The following TULP4 variants were observed in gnomAD, a reference collection of about 807,000 sequenced individuals.
The protein encoded by TULP4 is tubby-related protein 4.
TULP4 carries 16 observed loss-of-function variants against 129.0 expected under a neutral mutation model. The observed-to-expected ratio is 0.12, with a 90% CI of 0.08 to 0.19. The LOEUF is 0.19. Among genes scored for constraint, TULP4 ranks in the 10% least tolerant of loss-of-function variants. The pLI is 1.00. For synonymous variants in TULP4, 998 were observed against 854.0 expected (o/e 1.17, Z -2.94); for missense variants, 1,842 against 2,059.1 (o/e 0.89, Z 2.04).
intron 1 of TULP4, among the ~76,000 whole-genome samples, chr6:158,386,153 T>G (rs74684289): frequency 1.3e-5 from 2 of 152,086 alleles, no homozygotes; most frequent in African/African-American, 2.4e-5. Context: ...CCACATCATA[T>G]AATATCTTGA....
At chr6:158,325,879 C>T (rs953335604) in intron 1 of TULP4, among the ~76,000 whole-genome samples, 8 of 152,000 alleles carry the variant, frequency 5.3e-5, no homozygotes, top group Non-Finnish European at 1.0e-4. Context: ...TAGCAATGTT[C>T]TAACTCCTGT....
At chr6:158,431,147 T>C (rs1303867988) in intron 3 of TULP4, among the ~76,000 whole-genome samples, 10 of 152,192 alleles carry the variant, frequency 6.6e-5, no homozygotes, top group Admixed American at 1.3e-4. Context: ...GATTCCTTTA[T>C]TATAAAGCTG....
chr6:158,442,143 G>A (rs1008741100), intron 3 of TULP4, among the ~76,000 whole-genome samples: 4 of 152,046 alleles, frequency 2.6e-5, no homozygotes, highest in African/African-American at 4.8e-5. Context: ...CTTTGGCACC[G>A]GTCACAAGTG....
chr6:158,439,901 C>T (rs1778847200), intron 3 of TULP4, among the ~76,000 whole-genome samples: 5 of 150,932 alleles, frequency 3.3e-5, no homozygotes, highest in African/African-American at 4.9e-5. Context: ...TTTGTAGAGG[C>T]GGGGTTTCAC....
At chr6:158,281,786 T>G (rs1778758147), upstream of TULP4, among the ~76,000 whole-genome samples, 1 of 152,258 alleles carries the variant, frequency 6.6e-6, no homozygotes, top group South Asian at 2.1e-4. Flanking sequence ...TAGGAAATAA[T>G]TGTAAACCCT....
intron 3 of TULP4, among the ~76,000 whole-genome samples, chr6:158,448,756 T>G (rs773775060): frequency 9.9e-5 from 15 of 152,266 alleles, no homozygotes; most frequent in Non-Finnish European, 1.9e-4. Context: ...AAAACGTTCA[T>G]GCAATATAAT....
chr6:158,473,499 C>T (rs1356401927), intron 6 of TULP4, among the ~76,000 whole-genome samples: 3 of 152,144 alleles, frequency 2.0e-5, no homozygotes, highest in Non-Finnish European at 4.4e-5. Flanking sequence ...TGACGGTGAC[C>T]GATCACCAAC....
At chr6:158,415,784 GT>G (rs1386555952) in intron 2 of TULP4, among the ~76,000 whole-genome samples, 2 of 152,106 alleles carry the variant, frequency 1.3e-5, no homozygotes, top group African/African-American at 4.8e-5. Flanking sequence ...ACTGCCCCTT[GT>G]GTTAGGGTTC....
At chr6:158,491,227 A>G (rs540381288) in intron 9 of TULP4, among the ~76,000 whole-genome samples, 2 of 152,238 alleles carry the variant, frequency 1.3e-5, no homozygotes, top group East Asian at 3.9e-4. Flanking sequence ...TTGTTCTGAT[A>G]GGTGTAGTGG....
At chr6:158,441,670 G>C (rs370970344) in intron 3 of TULP4, among the ~76,000 whole-genome samples, 1 of 152,122 alleles carries the variant, frequency 6.6e-6, no homozygotes, top group African/African-American at 2.4e-5. Flanking sequence ...GCTCCTTCTG[G>C]TCAGGCCTCT....
Position 158,506,793 on chromosome 6 carries a change from C to G in TULP4, c.*99C>G, listed in dbSNP as rs1016935261. The G allele has an allele frequency of 2.5e-6, 2 of 788,642 alleles. No homozygotes were observed. The highest frequency in any genetic ancestry group is 4.2e-6 in the Non-Finnish European group (2 of 473,166). The allele number at this position is 788,642 out of a possible 1,614,324, so 48.9% of individuals were successfully genotyped here. A position where few individuals can be genotyped will look rare whatever the true frequency, so the allele number is the denominator to read the frequency against. ...CTAGGGGTCCGATGCCTGGGAGGAC[C>G]AGAAGCCAACAGCAAAACTGGAAAA... On this transcript the variant is annotated 3_prime_UTR_variant, in exon 14 of 14. Transcript: ENST00000367097.
rs115646870 is a variant in TULP4 at position 158,395,192 on chromosome 6, A to G, written c.253-17873A>G. On this transcript the variant is annotated intron_variant, in intron 1 of 13. Coordinates refer to ENST00000367097, the MANE Select transcript of TULP4 (RefSeq NM_020245.5). Reference sequence around the variant, plus strand: ...TGAGTTTTGGAGGGGACAAATATTCAAACCATACCATCCCATGTTTCCCTG... The same window carrying G: ...TGAGTTTTGGAGGGGACAAATATTCGAACCATACCATCCCATGTTTCCCTG... Among the ~76,000 whole-genome samples the G allele has an allele frequency of 1.9e-3, 294 of 152,252 alleles. 2 individuals are homozygous for G. Among genetic ancestry groups the G allele is most frequent in the African/African-American group, 6.6e-3 (276 of 41,548 alleles).
intron 12 of TULP4, among the ~76,000 whole-genome samples, chr6:158,501,086 A>C (rs1444510607): frequency 6.6e-6 from 1 of 152,142 alleles, no homozygotes; most frequent in African/African-American, 2.4e-5. Flanking sequence ...AAAAAAAAAA[A>C]ATTAGGAAAT....
intron 1 of TULP4, among the ~76,000 whole-genome samples, chr6:158,234,663 G>A (rs972506857): frequency 6.6e-6 from 1 of 152,108 alleles, no homozygotes; most frequent in African/African-American, 2.4e-5. Flanking sequence ...TTTAGTTACT[G>A]CATGGGTTTC....
At chr6:158,279,765 G>A (rs771953319), upstream of TULP4, among the ~76,000 whole-genome samples, 16 of 151,988 alleles carry the variant, frequency 1.1e-4, no homozygotes, top group South Asian at 2.5e-3. Flanking sequence ...TTCACTCTTA[G>A]TGAGATATAC....
intron 1 of TULP4, among the ~76,000 whole-genome samples, chr6:158,256,244 A>T (rs1583680636): frequency 6.9e-6 from 1 of 145,286 alleles, no homozygotes; most frequent in East Asian, 2.1e-4. Flanking sequence ...TGATGAAGTG[A>T]ACAGCCCAGA....
In TULP4 at chr6:158,491,318, T is replaced by C. The variant is rs962943574; in HGVS notation, c.1631+1586T>C. 2.0e-5 allele frequency among the ~76,000 whole-genome samples: 3 copies of C among 152,250 alleles called. No individual in the cohort carries two copies. The East Asian group carries it at 5.8e-4, about 29-fold the overall frequency. ...ATGTTTCTTGGCCACTTGGCTGTCT[T>C]CTTCTTTTGTGAAGTGTCTGTTCAA... On this transcript the variant is annotated intron_variant, in intron 9 of 13. Coordinates refer to ENST00000367097, the MANE Select transcript of TULP4 (RefSeq NM_020245.5).
At chr6:158,427,381 G>A (rs1007093897) in intron 2 of TULP4, among the ~76,000 whole-genome samples, 10 of 141,922 alleles carry the variant, frequency 7.0e-5, no homozygotes, top group Middle Eastern at 3.7e-3. Context: ...TAATAAAGTT[G>A]ATTTTTAAAA....
At chr6:158,456,317 G>C (rs1459036896) in intron 5 of TULP4, among the ~76,000 whole-genome samples, 1 of 152,240 alleles carries the variant, frequency 6.6e-6, no homozygotes, top group Non-Finnish European at 1.5e-5. Context: ...CCAGCTTGCA[G>C]CCTGTGGGCC....
Sources: allele counts gnomAD v4.1 joint callset (sites outside exome capture counted in the v4.1 genomes callset), GRCh38; gene constraint gnomAD v4.1.1; transcripts MANE v1.5; gene names NCBI Gene and HGNC (gene_info 2026-07-23, HGNC 2026-07-21).